Variants in ELF1 observed in about 807,000 individuals in gnomAD.
ELF1 encodes the protein E74 like ETS transcription factor 1.
Under a neutral mutation model 59.9 loss-of-function variants are expected in ELF1, and 24 were observed. The ratio of observed to expected loss-of-function variants is 0.40; its 90% CI spans 0.29 to 0.56. ELF1 has a LOEUF of 0.56. Among genes scored for constraint, ELF1 ranks in the 20% least tolerant of loss-of-function variants. The pLI, the probability that ELF1 is intolerant of heterozygous loss-of-function variation, is 0.44. For missense variants in ELF1, 627 were observed against 742.2 expected (o/e 0.84, Z 1.80); for synonymous variants, 248 against 266.2 (o/e 0.93, Z 0.67).
chr13:41,053,047 A>T (rs1709521444), intron 1 of ELF1, among the ~76,000 whole-genome samples: 1 of 152,174 alleles, frequency 6.6e-6, no homozygotes. Context: ...GAACTGACTC[A>T]GAGAAATATT....
chr13:40,985,140 TG>T (rs756199566), intron 1 of ELF1, among the ~76,000 whole-genome samples: 3 of 152,250 alleles, frequency 2.0e-5, no homozygotes, highest in Non-Finnish European at 4.4e-5. Flanking sequence ...AGCATTTTAC[TG>T]GCTCAATCAT....
chr13:40,943,790 A>G (rs1870332679), intron 6 of ELF1, 52 bp downstream of exon 6: 2 of 1,466,354 alleles, frequency 1.4e-6, no homozygotes, highest in Non-Finnish European at 1.9e-6. Context: ...ATAGGTAGGC[A>G]CTATAAAGCA....
intron 2 of ELF1, among the ~76,000 whole-genome samples, chr13:40,974,459 C>T (rs1051198922): frequency 1.3e-5 from 2 of 152,116 alleles, no homozygotes; most frequent in Non-Finnish European, 2.9e-5. Flanking sequence ...AGTTGCTTCC[C>T]TTCGCTGAGC....
At chr13:41,028,836 C>T (rs1466446296) in intron 1 of ELF1, among the ~76,000 whole-genome samples, 7 of 152,114 alleles carry the variant, frequency 4.6e-5, no homozygotes, top group African/African-American at 1.4e-4. Context: ...CAGGTTCAAG[C>T]GATTCTTAAG....
intron 1 of ELF1, among the ~76,000 whole-genome samples, chr13:40,989,114 A>G (rs903294883): frequency 6.6e-6 from 1 of 152,234 alleles, no homozygotes; most frequent in Non-Finnish European, 1.5e-5. Flanking sequence ...GCTATTTTAA[A>G]TACAGTATTA....
chr13:40,966,540 GTAAGCAGGACATTA>G, intron 2 of ELF1, among the ~76,000 whole-genome samples: 1 of 152,316 alleles, frequency 6.6e-6, no homozygotes, highest in South Asian at 2.1e-4. Context: ...AGCGACCAAT[GTAAGCAGGACATTA>G]TGTGACTCCC....
chr13:40,953,697 T>C (rs543343008), intron 3 of ELF1, among the ~76,000 whole-genome samples: 60 of 152,284 alleles, frequency 3.9e-4, no homozygotes, highest in African/African-American at 1.3e-3. Context: ...AGAACAAAAA[T>C]GTCCTATCCT....
At chr13:40,991,446 T>C (rs1413345057) in intron 1 of ELF1, among the ~76,000 whole-genome samples, 1 of 152,172 alleles carries the variant, frequency 6.6e-6, no homozygotes, top group African/African-American at 2.4e-5. Context: ...TTGTAAACAT[T>C]TTTATTTTTT....
chr13:40,988,161 T>C (rs553749550), intron 1 of ELF1, among the ~76,000 whole-genome samples: 60 of 152,354 alleles, frequency 3.9e-4, no homozygotes, highest in African/African-American at 1.3e-3. Context: ...GGTATGAAGA[T>C]AAACTGCACA....
rs556201719 is a variant in ELF1, at chr13:40,958,530, A to T, written c.253+306T>A. Among the ~76,000 whole-genome samples, 868 of 142,472 alleles carry T rather than the reference A, an allele frequency of 6.1e-3. 7 individuals are homozygous for T. Among genetic ancestry groups the T allele is most frequent in the South Asian group, 0.015 (66 of 4,408 alleles). 93.5% of individuals were successfully genotyped at this position (142,472 alleles called of 152,430 possible). The stretch of plus-strand genomic sequence containing the variant: ...GCAATACAGTAAGACTCCATCTCTT[A>T]AAAAAAAAAAAAACTGCTCAGTGAA... On this transcript the variant is annotated intron_variant, in intron 3 of 8. Coordinates refer to ENST00000239882, the MANE Select transcript of ELF1 (RefSeq NM_172373.4).
chr13:40,956,903 G>T (rs1871483386), intron 3 of ELF1, among the ~76,000 whole-genome samples: 1 of 151,526 alleles, frequency 6.6e-6, no homozygotes, highest in African/African-American at 2.4e-5. Context: ...TGTTGGCCAG[G>T]CTGGTCTCGA....
chr13:41,050,015 ATTATT>A (rs1031993653), intron 1 of ELF1, among the ~76,000 whole-genome samples: 14 of 152,222 alleles, frequency 9.2e-5, no homozygotes, highest in African/African-American at 3.1e-4. Flanking sequence ...GCTTTTTAAA[ATTATT>A]TAATTGGGGT....
chr13:41,054,390 T>A (rs2138438457), intron 1 of ELF1, among the ~76,000 whole-genome samples: 1 of 152,340 alleles, frequency 6.6e-6, no homozygotes, highest in African/African-American at 2.4e-5. Context: ...ATGGTTTTAG[T>A]CCTGATATTT....
intron 3 of ELF1, among the ~76,000 whole-genome samples, chr13:40,958,557 A>G (rs1871602857): frequency 6.6e-6 from 1 of 151,880 alleles, no homozygotes; most frequent in Non-Finnish European, 1.5e-5. Flanking sequence ...CTCAGTGAAG[A>G]CTTGATGAAT....
At chr13:40,943,729 G>A (rs1870328129) in intron 6 of ELF1, 113 bp downstream of exon 6, 1 of 765,356 alleles carries the variant, frequency 1.3e-6, no homozygotes, top group Admixed American at 3.7e-5. Context: ...GCATGTGGCA[G>A]CAATAAGATC....
intron 1 of ELF1, among the ~76,000 whole-genome samples, chr13:40,994,351 G>C (rs943077098): frequency 6.6e-6 from 1 of 152,138 alleles, no homozygotes; most frequent in Non-Finnish European, 1.5e-5. Context: ...AAAATCAAAA[G>C]AGAAATATCA....
At chr13:40,957,585 AT>A (rs1221861549) in intron 3 of ELF1, among the ~76,000 whole-genome samples, 1 of 151,580 alleles carries the variant, frequency 6.6e-6, no homozygotes, top group Non-Finnish European at 1.5e-5. Flanking sequence ...TGCTCCAGCC[AT>A]GTAGGATGTG....
At chr13:40,935,617 G>A (rs1244092277) in intron 8 of ELF1, among the ~76,000 whole-genome samples, 1 of 152,012 alleles carries the variant, frequency 6.6e-6, no homozygotes. Context: ...TTTGATTCAG[G>A]GAAATCTGGG....
rs1031747513 is a variant in ELF1, at chr13:40,937,029, G to A, written c.1257-3001C>T. Among the ~76,000 whole-genome samples the A allele has an allele frequency of 4.6e-5, 7 of 152,212 alleles. 1 individual carries two copies. The highest frequency in any genetic ancestry group is 9.6e-5 in the African/African-American group (4 of 41,530). On this transcript the variant is annotated intron_variant, in intron 8 of 8. Transcript: ENST00000239882. ...GCATACACTTATCTATACCATCTAC[G>A]ATGCAAATATATTGGCTTATTGGAA...
Sources: allele counts gnomAD v4.1 joint callset (sites outside exome capture counted in the v4.1 genomes callset), GRCh38; gene constraint gnomAD v4.1.1; transcripts MANE v1.5; gene names NCBI Gene and HGNC (gene_info 2026-07-23, HGNC 2026-07-21).